PLCE1: variants seen among roughly 807,000 people sequenced by gnomAD.
The protein encoded by PLCE1 is 1-phosphatidylinositol 4,5-bisphosphate phosphodiesterase epsilon-1.
Under a neutral mutation model 242.8 loss-of-function variants are expected in PLCE1, and 119 were observed. The observed-to-expected ratio is 0.49, with a 90% confidence interval of 0.42 to 0.57. The LOEUF (loss-of-function observed/expected upper bound fraction) is 0.57. PLCE1 is among the 20% of genes least tolerant of loss of function. The pLI is 0.00. For missense variants in PLCE1, 2,441 were observed against 2,788.8 expected (o/e 0.88, Z 2.81); for synonymous variants, 945 against 1,017.4 (o/e 0.93, Z 1.35).
intron 7 of PLCE1, among the ~76,000 whole-genome samples, chr10:94,245,606 C>A (rs1300950254): frequency 6.6e-6 from 1 of 152,170 alleles, no homozygotes; most frequent in East Asian, 1.9e-4. Context: ...CCTGCCTCAG[C>A]CTCTCAAGTA....
intron 2 of PLCE1, among the ~76,000 whole-genome samples, chr10:94,063,303 C>T (rs538582856): frequency 3.3e-4 from 50 of 152,306 alleles, no homozygotes; most frequent in African/African-American, 1.0e-3. Flanking sequence ...ACTTTCTCGT[C>T]GCTCTGTTCT....
intron 2 of PLCE1, among the ~76,000 whole-genome samples, chr10:94,039,350 A>G (rs1198680385): frequency 6.6e-6 from 1 of 151,804 alleles, no homozygotes. Flanking sequence ...CATTCCCACC[A>G]GCAATGCAAA....
At position 94,328,674 on chromosome 10, in the gene PLCE1, T is replaced by C. The variant is rs1227346780; in HGVS notation, c.*731T>C. On this transcript the variant is annotated 3_prime_UTR_variant, in exon 33 of 33. Coordinates refer to ENST00000371380, the MANE Select transcript of PLCE1 (RefSeq NM_016341.4). The stretch of plus-strand genomic sequence containing the variant: ...AGCTTTGGGGCATTTCAAGTGTAAA[T>C]ATGTCCTATAACATAAGAGTCATTA... The C allele has an allele frequency of 6.6e-6, 1 of 152,250 alleles. No individual in the cohort carries two copies. The highest frequency in any genetic ancestry group is 2.4e-5 in the African/African-American group (1 of 41,454). 9.4% of individuals were successfully genotyped at this position (152,250 alleles called of 1,614,324 possible).
At chr10:94,024,119 G>T (rs556426343) in intron 1 of PLCE1, among the ~76,000 whole-genome samples, 1 of 152,186 alleles carries the variant, frequency 6.6e-6, no homozygotes, top group Admixed American at 6.5e-5. Flanking sequence ...CATGTGCACC[G>T]TGTGCACGTG....
At chr10:94,274,078 G>A (rs949774553) in intron 19 of PLCE1, among the ~76,000 whole-genome samples, 1 of 152,158 alleles carries the variant, frequency 6.6e-6, no homozygotes, top group Non-Finnish European at 1.5e-5. Flanking sequence ...GGAGCCCTTG[G>A]CATGGGGCCT....
chr10:94,286,151 A>G (rs1169637492), intron 22 of PLCE1, among the ~76,000 whole-genome samples: 3 of 152,238 alleles, frequency 2.0e-5, no homozygotes. Flanking sequence ...AGAACAGGAA[A>G]GTGGCTGAGA....
intron 4 of PLCE1, among the ~76,000 whole-genome samples, chr10:94,178,261 G>C (rs1303413964): frequency 6.6e-6 from 1 of 152,104 alleles, no homozygotes; most frequent in Non-Finnish European, 1.5e-5. Flanking sequence ...TTGCTTGTTG[G>C]GTGGTTCTTG....
intron 4 of PLCE1, among the ~76,000 whole-genome samples, chr10:94,226,007 G>A (rs780837766): frequency 1.3e-5 from 2 of 152,216 alleles, no homozygotes; most frequent in Non-Finnish European, 2.9e-5. Context: ...GGCCATGTGA[G>A]GTCAAGACCA....
At position 94,306,900 on chromosome 10, in the gene PLCE1, A is replaced by G. The variant is rs2053223412; in HGVS notation, c.5884+212A>G. Among the ~76,000 whole-genome samples the G allele has an allele frequency of 6.6e-6, 1 of 152,366 alleles. No individual in the cohort carries two copies. The highest frequency in any genetic ancestry group is 2.1e-4 in the South Asian group (1 of 4,826). ...TTTAAGAATCTGAGGTATTAACAAT[A>G]TCCCTTGTAAAGTACAGCCTCACCC... is the stretch of plus-strand genomic sequence containing the variant. On this transcript the variant is annotated intron_variant, in intron 26 of 32. Transcript: ENST00000371380. This position sits in a 1 kb window ranked among gnomAD's most constrained non-coding sequence, Gnocchi z 5.7.
chr10:94,164,665 T>C (rs1031394671), intron 3 of PLCE1, among the ~76,000 whole-genome samples: 1 of 152,256 alleles, frequency 6.6e-6, no homozygotes, highest in Non-Finnish European at 1.5e-5. Context: ...CCAGCTTTGT[T>C]CCGTTGCTGG....
chr10:94,045,944 C>T (rs922458504), intron 2 of PLCE1, among the ~76,000 whole-genome samples: 15 of 144,358 alleles, frequency 1.0e-4, no homozygotes, highest in African/African-American at 2.9e-4. Flanking sequence ...AATAAAAATA[C>T]AAAAAATTAG....
At chr10:94,209,917 G>A (rs555399880) in intron 4 of PLCE1, among the ~76,000 whole-genome samples, 3 of 152,182 alleles carry the variant, frequency 2.0e-5, no homozygotes, top group Admixed American at 6.5e-5. Flanking sequence ...GGTGTTGCTC[G>A]TAGGCCTGCT....
chr10:94,050,786 T>G (rs1055139783), intron 2 of PLCE1, among the ~76,000 whole-genome samples: 1 of 152,208 alleles, frequency 6.6e-6, no homozygotes, highest in Non-Finnish European at 1.5e-5. Flanking sequence ...CTGAGTTTAC[T>G]TGTAGTCATA....
At chr10:94,199,814 G>T (rs909050462) in intron 4 of PLCE1, among the ~76,000 whole-genome samples, 4 of 152,102 alleles carry the variant, frequency 2.6e-5, no homozygotes, top group South Asian at 4.2e-4. Context: ...GTGACGTGCT[G>T]TGGAAGAAAT....
At chr10:94,311,519 G>A (rs1434108239) in intron 27 of PLCE1, among the ~76,000 whole-genome samples, 1 of 152,230 alleles carries the variant, frequency 6.6e-6, no homozygotes, top group Non-Finnish European at 1.5e-5. Flanking sequence ...TGGTAAATGT[G>A]CATTTGACCA....
At chr10:94,289,521 T>C (rs888694910) in intron 22 of PLCE1, among the ~76,000 whole-genome samples, 7 of 152,222 alleles carry the variant, frequency 4.6e-5, no homozygotes, top group African/African-American at 9.6e-5. Flanking sequence ...AAAGCTACAG[T>C]GTAGCCTGCT....
intron 4 of PLCE1, among the ~76,000 whole-genome samples, chr10:94,202,375 A>C (rs1341599976): frequency 6.7e-6 from 1 of 148,610 alleles, no homozygotes; most frequent in East Asian, 2.0e-4. Flanking sequence ...ATTGCTTTCT[A>C]GTGAGCTTCC....
At chr10:94,088,095 A>G (rs2044904877) in intron 2 of PLCE1, 2 of 152,192 alleles carry the variant, frequency 1.3e-5, no homozygotes, top group Non-Finnish European at 2.9e-5. Flanking sequence ...GGTGGTTAGG[A>G]AGCATGCTGA....
intron 2 of PLCE1, among the ~76,000 whole-genome samples, chr10:94,110,219 C>G (rs1435186614): frequency 6.6e-6 from 1 of 151,606 alleles, no homozygotes; most frequent in Non-Finnish European, 1.5e-5. Flanking sequence ...CCTGCCACCA[C>G]GCCCAGCTAA....
Sources: allele counts gnomAD v4.1 joint callset (sites outside exome capture counted in the v4.1 genomes callset), GRCh38; gene constraint gnomAD v4.1.1; non-coding constraint Gnocchi (gnomAD v3.1); transcripts MANE v1.5; gene names NCBI Gene and HGNC (gene_info 2026-07-23, HGNC 2026-07-21).